The following RNF138 variants were observed in gnomAD, a reference collection of about 807,000 sequenced individuals.
RNF138 encodes the protein ring finger protein 138.
Under a neutral mutation model 31.0 loss-of-function variants are expected in RNF138, and 12 were observed. The ratio of observed to expected loss-of-function variants is 0.39; its 90% CI spans 0.25 to 0.63. The LOEUF is 0.63. RNF138 is among the 20% of genes least tolerant of loss of function. The pLI, the probability that RNF138 is intolerant of heterozygous loss-of-function variation, is 0.52. For synonymous variants in RNF138, 105 were observed against 99.5 expected (o/e 1.06, Z -0.33); for missense variants, 192 against 300.1 (o/e 0.64, Z 2.66).
intron 3 of RNF138, among the ~76,000 whole-genome samples, chr18:32,112,674 C>T (rs1021977877): frequency 1.3e-5 from 2 of 151,812 alleles, no homozygotes; most frequent in Admixed American, 6.6e-5. Flanking sequence ...AAGAGCGAAA[C>T]GCTGTCTAAA....
In RNF138 at chr18:32,092,014, C is replaced by G. The variant is rs1341023397; in HGVS notation, c.-299C>G. On this transcript the variant is annotated 5_prime_UTR_variant, in exon 1 of 8. Transcript: ENST00000261593. ...TAGGCAGCGCAATGCCAAGACAGAG[C>G]TGCTGGCGGCGGCGGGCGAATCTCC... 1 of 152,622 alleles carries G rather than the reference C, an allele frequency of 6.6e-6. No individual in the cohort carries two copies. The highest frequency in any genetic ancestry group is 1.5e-5 in the Non-Finnish European group (1 of 68,368). 9.5% of individuals were successfully genotyped at this position (152,622 alleles called of 1,614,324 possible).
intron 2 of RNF138, among the ~76,000 whole-genome samples, chr18:32,110,709 G>C (rs2040112996): frequency 6.6e-6 from 1 of 152,088 alleles, no homozygotes; most frequent in East Asian, 1.9e-4. Flanking sequence ...GATCAAATAA[G>C]GTATTTGGTG....
At chr18:32,094,999 C>T (rs779815367) in intron 2 of RNF138, among the ~76,000 whole-genome samples, 1 of 152,078 alleles carries the variant, frequency 6.6e-6, no homozygotes, top group Non-Finnish European at 1.5e-5. Context: ...GTTTTTAATT[C>T]AGGACCTTTC....
chr18:32,104,635 A>T (rs74520392), intron 2 of RNF138, among the ~76,000 whole-genome samples: 5,532 of 152,316 alleles, frequency 0.036, 214 homozygotes, highest in East Asian at 0.24. Flanking sequence ...CAGTAATCAG[A>T]TAAAAAATTA....
intron 2 of RNF138, 104 bp downstream of exon 2, chr18:32,092,990 G>C (rs2039729610): frequency 1.7e-6 from 1 of 571,766 alleles, no homozygotes. Flanking sequence ...AGCCCGCCGC[G>C]GCCTGCCCGA....
At chr18:32,128,979 A>T in intron 7 of RNF138, 140 bp from the exon 8 acceptor site, 1 of 601,692 alleles carries the variant, frequency 1.7e-6, no homozygotes. Flanking sequence ...ATACTGTTAT[A>T]TATGTTTTAC....
At chr18:32,128,112 G>C (rs1008253363) in intron 7 of RNF138, among the ~76,000 whole-genome samples, 6 of 151,946 alleles carry the variant, frequency 3.9e-5, no homozygotes, top group Non-Finnish European at 7.4e-5. Flanking sequence ...AATTATTTCA[G>C]ATTGTCAAAT....
intron 2 of RNF138, among the ~76,000 whole-genome samples, chr18:32,106,519 T>G (rs2040030042): frequency 6.6e-6 from 1 of 151,980 alleles, no homozygotes; most frequent in Admixed American, 6.6e-5. Context: ...TGGAAGATAC[T>G]AGAAGTTGAA....
chr18:32,121,710 AGTT>A (rs1173188646), intron 4 of RNF138, among the ~76,000 whole-genome samples: 5 of 152,134 alleles, frequency 3.3e-5, no homozygotes, highest in African/African-American at 9.7e-5. Flanking sequence ...TATAGATATG[AGTT>A]GTTTTTCTTT....
In RNF138 at chr18:32,126,805, G is replaced by A; in HGVS notation, c.669+5G>A. The A allele has an allele frequency of 6.8e-7, 1 of 1,468,740 alleles. No homozygotes were observed. The highest frequency in any genetic ancestry group is 9.5e-7 in the Non-Finnish European group (1 of 1,048,660). The allele number at this position is 1,468,740 out of a possible 1,614,324, so 91.0% of individuals were successfully genotyped here. On this transcript the variant is annotated splice_donor_5th_base_variant and intron_variant, in intron 7 of 7. Transcript: ENST00000261593. ...TTTGATTATGGAGAATTTGTGGTAA[G>A]TGAATTCTTCAAGATTAAGAAAGTA...
Position 32,118,328 on chromosome 18 carries a change from G to T in RNF138, c.392+4468G>T, listed in dbSNP as rs1334275418. ...GTGGGCAGATCACCTGAAGTCAGGA[G>T]TTCAAGACCAGCCTGGCCAACATGG... On this transcript the variant is annotated intron_variant, in intron 4 of 7. Coordinates refer to ENST00000261593, the MANE Select transcript of RNF138 (RefSeq NM_016271.5). Among the ~76,000 whole-genome samples, 9 of 151,858 alleles carry T rather than the reference G, an allele frequency of 5.9e-5. No individual in the cohort carries two copies. The East Asian group carries it at 1.7e-3, about 29-fold the overall frequency.
rs753593263 is a variant in RNF138 at position 32,130,305 on chromosome 18, C to A, written c.*1118C>A. On this transcript the variant is annotated 3_prime_UTR_variant, in exon 8 of 8. Coordinates refer to ENST00000261593, the MANE Select transcript of RNF138 (RefSeq NM_016271.5). ...TTACACCTTAAAAATTGAGTTTACACACACACAATTACCTGTTTATATGGT... is the reference window on the plus strand; with the variant it reads ...TTACACCTTAAAAATTGAGTTTACAAACACACAATTACCTGTTTATATGGT... 1 of 152,278 alleles carries A rather than the reference C, an allele frequency of 6.6e-6. No individual in the cohort carries two copies. The highest frequency in any genetic ancestry group is 2.4e-5 in the African/African-American group (1 of 41,400). 9.4% of individuals were successfully genotyped at this position (152,278 alleles called of 1,614,324 possible).
chr18:32,111,840 G>A lies in RNF138; in HGVS notation c.197G>A (p.Arg66Lys). The A allele has an allele frequency of 6.2e-7, 1 of 1,613,930 alleles. No individual in the cohort carries two copies. The highest frequency in any genetic ancestry group is 8.5e-7 in the Non-Finnish European group (1 of 1,179,906). ...LCRGNVTRRE[R>K]ACPERALDLE... ...CGTGGAAATGTGACTAGAAGAGAGAGAGCATGTCCTGAACGGGCCTTAGAC... is the reference window on the plus strand; with the variant it reads ...CGTGGAAATGTGACTAGAAGAGAGAAAGCATGTCCTGAACGGGCCTTAGAC... Residue 66 changes from arginine (R) to lysine (K), a missense_variant, in exon 3 of 8, where the codon AGA (arginine) becomes AAA (lysine). By Grantham distance (26) the Arg-to-Lys change is conservative (BLOSUM62 2). This residue lies in a region of RNF138 where 140 missense variants were observed against 251.7 expected (regional missense o/e 0.56). Coordinates refer to ENST00000261593, the MANE Select transcript of RNF138 (RefSeq NM_016271.5).
Position 32,123,628 on chromosome 18 carries a change from TATCAAATAGCTTTTTAAATTAAAC to T in RNF138, c.449+55_449+78del, listed in dbSNP as rs1179123061. The T allele has an allele frequency of 5.3e-6, 6 of 1,138,486 alleles. No individual in the cohort carries two copies. In the Admixed American group the frequency reaches 1.0e-4, roughly 19 times the overall value. 70.5% of individuals were successfully genotyped at this position (1,138,486 alleles called of 1,614,324 possible). On this transcript the variant is annotated intron_variant, in intron 5 of 7. Coordinates refer to ENST00000261593, the MANE Select transcript of RNF138 (RefSeq NM_016271.5). The stretch of plus-strand genomic sequence containing the variant: ...AGCAAGTAATATTATATTTATCACT[TATCAAATAGCTTTTTAAATTAAAC>T]TTTTTTTTTTTTTTTTTGAGACGGA...
At chr18:32,098,424 C>T (rs2039853794) in intron 2 of RNF138, among the ~76,000 whole-genome samples, 1 of 152,234 alleles carries the variant, frequency 6.6e-6, no homozygotes, top group African/African-American at 2.4e-5. Context: ...GTGGGGACTA[C>T]AGGTGAGTGC....
At chr18:32,119,493 C>T (rs1318959984) in intron 4 of RNF138, among the ~76,000 whole-genome samples, 1 of 152,104 alleles carries the variant, frequency 6.6e-6, no homozygotes, top group Non-Finnish European at 1.5e-5. Context: ...GGCGTGATCT[C>T]AGCTCACTAC....
intron 2 of RNF138, among the ~76,000 whole-genome samples, chr18:32,097,401 T>A (rs2039828488): frequency 6.6e-6 from 1 of 152,244 alleles, no homozygotes; most frequent in Non-Finnish European, 1.5e-5. Flanking sequence ...ATTTGTGTAA[T>A]TTCCTATTTG....
chr18:32,128,238 G>T (rs926299203), intron 7 of RNF138, among the ~76,000 whole-genome samples: 34 of 152,110 alleles, frequency 2.2e-4, no homozygotes, highest in African/African-American at 8.2e-4. Context: ...TCATGTTATG[G>T]TTAAGAATTT....
At chr18:32,105,349 C>G (rs932398236) in intron 2 of RNF138, among the ~76,000 whole-genome samples, 1 of 152,164 alleles carries the variant, frequency 6.6e-6, no homozygotes, top group African/African-American at 2.4e-5. Flanking sequence ...CCTCGGCCTC[C>G]CAAAGTGCTG....
Sources: gnomAD v4.1 joint callset for allele counts (sites outside exome capture counted in the v4.1 genomes callset) on GRCh38, gnomAD v4.1.1 for gene constraint, gnomAD v4.1.1 regional missense constraint, MANE v1.5 for transcripts, NCBI Gene and HGNC (gene_info 2026-07-23, HGNC 2026-07-21) for gene names.